Variants in CFAP206 observed in about 807,000 individuals in gnomAD.
CFAP206 encodes the protein cilia- and flagella-associated protein 206.
CFAP206 carries 53 observed loss-of-function variants against 65.4 expected under a neutral mutation model. That is an observed-to-expected ratio of 0.81 (90% confidence interval 0.65 to 1.02). CFAP206 has a LOEUF of 1.02. CFAP206 is among the 50% of genes least tolerant of loss of function. CFAP206 has a pLI of 0.00. For synonymous variants in CFAP206, 250 were observed against 254.4 expected, an observed-to-expected ratio of 0.98 and a Z score of 0.17; for missense variants, 663 against 753.2, an observed-to-expected ratio of 0.88 and a Z score of 1.40.
Position 87,458,596 on chromosome 6 carries a change from G to A in CFAP206, c.1495-2426G>A, listed in dbSNP as rs140568187. 1.8e-4 allele frequency among the ~76,000 whole-genome samples: 27 copies of A among 152,274 alleles called. No individual in the cohort carries two copies. In the East Asian group the frequency reaches 3.5e-3, roughly 20 times the overall value. The stretch of plus-strand genomic sequence containing the variant: ...AAACTTCATATGTCCTCGCTCCTTT[G>A]TGGGAGCTAAAAACTAAACTAATTG... On this transcript the variant is annotated intron_variant, in intron 11 of 12. Coordinates refer to ENST00000369562, the MANE Select transcript of CFAP206 (RefSeq NM_001031743.3).
chr6:87,417,453 C>T (rs1486273656), intron 6 of CFAP206, among the ~76,000 whole-genome samples: 1 of 151,732 alleles, frequency 6.6e-6, no homozygotes, highest in Non-Finnish European at 1.5e-5. Context: ...ATTTTAAAAA[C>T]TGTTCTAAAA....
chr6:87,420,487 T>G (rs1179254361), intron 7 of CFAP206, among the ~76,000 whole-genome samples: 5 of 152,238 alleles, frequency 3.3e-5, no homozygotes, highest in Non-Finnish European at 5.9e-5. Flanking sequence ...GCAACCAGAC[T>G]ACATGAATTC....
intron 11 of CFAP206, chr6:87,441,978 G>T: frequency 4.0e-6 from 1 of 247,302 alleles, no homozygotes; most frequent in Non-Finnish European, 8.4e-6. Context: ...CTTCCTGATT[G>T]TCAGTTTTTG....
intron 11 of CFAP206, chr6:87,435,794 G>C (rs916155994): frequency 6.6e-6 from 1 of 152,178 alleles, no homozygotes; most frequent in African/African-American, 2.4e-5. Context: ...CAAGTAGCTG[G>C]GACTACAGGC....
chr6:87,464,276 G>C lies in CFAP206; in HGVS notation c.*26G>C. 1 of 1,572,174 alleles carries C rather than the reference G, an allele frequency of 6.4e-7. No homozygotes were observed. The highest frequency in any genetic ancestry group is 8.7e-7 in the Non-Finnish European group (1 of 1,146,574). ...TTACAGACAACGTTTTAAAATAGAT[G>C]CTACTCAATTATGAACAATAGCAAG... On this transcript the variant is annotated 3_prime_UTR_variant, in exon 13 of 13. Transcript: ENST00000369562.
chr6:87,454,155 T>C (rs1310431110), intron 11 of CFAP206, among the ~76,000 whole-genome samples: 1 of 152,212 alleles, frequency 6.6e-6, no homozygotes, highest in African/African-American at 2.4e-5. Context: ...AAGATCATTA[T>C]ATGATAAAAG....
chr6:87,427,177 G>A (rs1012483588), intron 8 of CFAP206, among the ~76,000 whole-genome samples: 5 of 152,040 alleles, frequency 3.3e-5, no homozygotes, highest in African/African-American at 1.2e-4. Context: ...TCGCTTTGTC[G>A]CCCAGGCTGG....
intron 11 of CFAP206, among the ~76,000 whole-genome samples, chr6:87,448,199 T>C (rs770815684): frequency 4.6e-4 from 70 of 152,088 alleles, no homozygotes; most frequent in Non-Finnish European, 8.4e-4. Context: ...AGTGAGATCA[T>C]GCGATGTTTG....
intron 7 of CFAP206, among the ~76,000 whole-genome samples, chr6:87,421,469 G>T (rs1767940370): frequency 6.6e-6 from 1 of 152,110 alleles, no homozygotes; most frequent in South Asian, 2.1e-4. Flanking sequence ...CTGGGCGACA[G>T]AGTGAGACAC....
intron 10 of CFAP206, 68 bp from the exon 11 acceptor site, chr6:87,434,792 C>T: frequency 1.1e-6 from 1 of 942,210 alleles, no homozygotes; most frequent in Non-Finnish European, 1.5e-6. Flanking sequence ...GCCACCATGC[C>T]CAGCCAGAAT....
At chr6:87,444,763 T>C in intron 11 of CFAP206, 1 of 477,074 alleles carries the variant, frequency 2.1e-6, no homozygotes, top group Non-Finnish European at 4.0e-6. Flanking sequence ...TCTCTGATGT[T>C]CTGCAATTTT....
chr6:87,450,475 A>G (rs926846732), intron 11 of CFAP206, among the ~76,000 whole-genome samples: 5 of 130,402 alleles, frequency 3.8e-5, no homozygotes, highest in South Asian at 5.3e-4. Flanking sequence ...ATAAATGAAA[A>G]TGTGTGTGTG....
intron 7 of CFAP206, among the ~76,000 whole-genome samples, chr6:87,421,408 C>T (rs1203538534): frequency 6.6e-6 from 1 of 152,194 alleles, no homozygotes; most frequent in Non-Finnish European, 1.5e-5. Context: ...ATCGCTTGAA[C>T]CCAGGAGACA....
Position 87,464,072 on chromosome 6 carries a change from TGAG to T in CFAP206, c.1692_1694del (p.Arg566del). The T allele has an allele frequency of 6.2e-7, 1 of 1,613,674 alleles. No homozygotes were observed. The highest frequency in any genetic ancestry group is 1.3e-5 in the African/African-American group (1 of 75,028). On this transcript the variant is annotated inframe_deletion, in exon 13 of 13. Transcript: ENST00000369562. ...TCAGTACAAACTGATCTTAGTCACT[TGAG>T]AAGAGAAAATTGTTCCCAAGTGTAC...
chr6:87,444,201 A>G (rs1228001934), intron 11 of CFAP206, among the ~76,000 whole-genome samples: 1 of 152,194 alleles, frequency 6.6e-6, no homozygotes, highest in Non-Finnish European at 1.5e-5. Flanking sequence ...ACATTATCTG[A>G]ATGGATACGC....
chr6:87,438,856 T>C (rs1768320269), intron 11 of CFAP206, among the ~76,000 whole-genome samples: 1 of 152,216 alleles, frequency 6.6e-6, no homozygotes. Context: ...ATTTACTAAA[T>C]AATGTAAATG....
At chr6:87,427,483 C>G (rs1243036452) in intron 8 of CFAP206, among the ~76,000 whole-genome samples, 1 of 152,204 alleles carries the variant, frequency 6.6e-6, no homozygotes, top group Non-Finnish European at 1.5e-5. Flanking sequence ...TAATAACTTT[C>G]TGCAGTCATC....
At chr6:87,412,390 C>T (rs986508992) in intron 3 of CFAP206, among the ~76,000 whole-genome samples, 7 of 152,036 alleles carry the variant, frequency 4.6e-5, no homozygotes, top group Non-Finnish European at 8.8e-5. Context: ...CTGCCAAGTG[C>T]CTGCCAGCTG....
In CFAP206 at chr6:87,459,708, AAATTATTTG is replaced by A. The variant is rs542389787; in HGVS notation, c.1495-1313_1495-1305del. 2.4e-3 allele frequency among the ~76,000 whole-genome samples: 369 copies of A among 152,332 alleles called. 3 individuals carry two copies. The highest frequency in any genetic ancestry group is 2.1e-3 in the East Asian group (11 of 5,184). ...ATATACTGTGCATGTCTACAGACAGAAATTATTTGGTCTTGCTATCACTCACTTATAACT... is the reference window on the plus strand; with the variant it reads ...ATATACTGTGCATGTCTACAGACAGAGTCTTGCTATCACTCACTTATAACT... On this transcript the variant is annotated intron_variant, in intron 11 of 12. Coordinates refer to ENST00000369562, the MANE Select transcript of CFAP206 (RefSeq NM_001031743.3).
Sources: allele counts gnomAD v4.1 joint callset (sites outside exome capture counted in the v4.1 genomes callset), GRCh38; gene constraint gnomAD v4.1.1; transcripts MANE v1.5; gene names NCBI Gene and HGNC (gene_info 2026-07-23, HGNC 2026-07-21).